SIL1: variants seen among roughly 807,000 people sequenced by gnomAD.
SIL1 encodes the protein nucleotide exchange factor SIL1.
Under a neutral mutation model 49.1 loss-of-function variants are expected in SIL1, and 40 were observed. That is an observed-to-expected ratio of 0.81 (90% CI 0.63 to 1.06). The LOEUF (loss-of-function observed/expected upper bound fraction) is 1.06, where lower values mean the gene tolerates loss of function less well. SIL1 is among the 50% of genes least tolerant of loss of function. SIL1 has a pLI of 0.00. For missense variants in SIL1, 500 were observed against 572.6 expected (o/e 0.87, Z 1.29); for synonymous variants, 253 against 250.8 (o/e 1.01, Z -0.08).
intron 1 of SIL1, among the ~76,000 whole-genome samples, chr5:139,172,650 C>CAA (rs1751798131): frequency 6.8e-6 from 1 of 146,670 alleles, no homozygotes; most frequent in Non-Finnish European, 1.5e-5. Flanking sequence ...AAAAAAAAGA[C>CAA]AGACAAAGAC....
intron 1 of SIL1, among the ~76,000 whole-genome samples, chr5:139,179,664 T>A (rs1393720776): frequency 6.6e-6 from 1 of 151,990 alleles, no homozygotes; most frequent in East Asian, 1.9e-4. Flanking sequence ...GGGCTATTAA[T>A]AAAAAACAAA....
At chr5:139,000,699 A>G (rs966271274) in intron 7 of SIL1, among the ~76,000 whole-genome samples, 1 of 152,176 alleles carries the variant, frequency 6.6e-6, no homozygotes, top group African/African-American at 2.4e-5. Flanking sequence ...CACACAGAGA[A>G]TAAACTTCAA....
intron 3 of SIL1, among the ~76,000 whole-genome samples, chr5:139,072,874 C>A (rs181517776): frequency 3.2e-4 from 49 of 152,100 alleles, no homozygotes; most frequent in African/African-American, 1.1e-3. Flanking sequence ...AAACAAATAA[C>A]CTGATTTTAA....
At chr5:139,010,577 T>C (rs916768174) in intron 7 of SIL1, among the ~76,000 whole-genome samples, 11 of 151,404 alleles carry the variant, frequency 7.3e-5, no homozygotes, top group East Asian at 1.9e-4. Flanking sequence ...TTCTGTTTTT[T>C]CCCCATCTTT....
chr5:139,184,953 TG>T (rs1752053051), intron 1 of SIL1, among the ~76,000 whole-genome samples: 1 of 152,170 alleles, frequency 6.6e-6, no homozygotes, highest in African/African-American at 2.4e-5. Context: ...AGACCACACA[TG>T]GGTCTGCTCA....
intron 7 of SIL1, among the ~76,000 whole-genome samples, chr5:138,984,508 G>A (rs932460763): frequency 6.6e-6 from 1 of 152,020 alleles, no homozygotes; most frequent in Non-Finnish European, 1.5e-5. Flanking sequence ...ACAGGCATGT[G>A]CCACCATGCC....
intron 2 of SIL1, 72 bp downstream of exon 2, chr5:139,127,667 C>A: frequency 8.0e-7 from 1 of 1,246,802 alleles, no homozygotes; most frequent in Non-Finnish European, 1.1e-6. Context: ...ACTCCCACAA[C>A]AGCCCTGGTG....
At chr5:139,077,420 T>G (rs1769976796) in intron 3 of SIL1, among the ~76,000 whole-genome samples, 1 of 152,238 alleles carries the variant, frequency 6.6e-6, no homozygotes, top group African/African-American at 2.4e-5. Flanking sequence ...AAGATTTTCT[T>G]GTTATTTTAC....
At chr5:139,104,146 C>T (rs1350055999) in intron 3 of SIL1, among the ~76,000 whole-genome samples, 1 of 152,250 alleles carries the variant, frequency 6.6e-6, no homozygotes, top group Non-Finnish European at 1.5e-5. Flanking sequence ...AGCCAAGCAG[C>T]TCAGGACCTT....
At chr5:139,188,771 A>AAG in intron 1 of SIL1, among the ~76,000 whole-genome samples, 1 of 152,248 alleles carries the variant, frequency 6.6e-6, no homozygotes, top group East Asian at 1.9e-4. Context: ...GATAAGGAGA[A>AAG]CATACTATCT....
At chr5:139,108,181 GA>G (rs1770762057) in intron 3 of SIL1, 1 of 152,080 alleles carries the variant, frequency 6.6e-6, no homozygotes, top group South Asian at 2.1e-4. Context: ...AGAACCAGAA[GA>G]TTTTTTTTCT....
intron 2 of SIL1, among the ~76,000 whole-genome samples, chr5:139,127,022 A>G (rs936728560): frequency 2.6e-5 from 4 of 152,212 alleles, no homozygotes; most frequent in Admixed American, 1.3e-4. Context: ...GGACAAGCCA[A>G]GTAAACAGGG....
intron 1 of SIL1, among the ~76,000 whole-genome samples, chr5:139,194,930 C>CTTT (rs35417485): frequency 7.1e-6 from 1 of 141,692 alleles, no homozygotes; most frequent in Non-Finnish European, 1.6e-5. Context: ...CTTTCAGAGC[C>CTTT]TTTTTTTTTT....
intron 1 of SIL1, among the ~76,000 whole-genome samples, chr5:139,150,947 T>C (rs915629935): frequency 1.3e-5 from 2 of 152,148 alleles, no homozygotes; most frequent in Non-Finnish European, 2.9e-5. Flanking sequence ...AGAGGCTTCA[T>C]CCCTACTCCC....
Position 139,078,635 on chromosome 5 carries a change from G to A in SIL1, c.245-27589C>T, listed in dbSNP as rs571142519. On this transcript the variant is annotated intron_variant, in intron 3 of 9. Transcript: ENST00000394817. ...CACAACCTGCATGTCAACTCTTCCC[G>A]ATCCCAGTGGATAAAAAACCACTAC... Among the ~76,000 whole-genome samples the A allele has an allele frequency of 2.9e-4, 44 of 152,322 alleles. No homozygotes were observed. In the South Asian group the frequency reaches 3.7e-3, roughly 13 times the overall value.
At position 139,176,927 on chromosome 5, in the gene SIL1, CT is replaced by C. The variant is rs70982757; in HGVS notation, c.-11+21341del. Among the ~76,000 whole-genome samples the C allele has an allele frequency of 0.017, 1,636 of 95,782 alleles. 60 individuals are homozygous for C. In the East Asian group the frequency reaches 0.26, roughly 15 times the overall value. The allele number at this position is 95,782 out of a possible 152,430, so 62.8% of individuals were successfully genotyped here. A position where few individuals can be genotyped will look rare whatever the true frequency, so the allele number is the denominator to read the frequency against. On this transcript the variant is annotated intron_variant, in intron 1 of 9. Coordinates refer to ENST00000394817, the MANE Select transcript of SIL1 (RefSeq NM_022464.5). ...GCTTCCAAGTGGAGAAGCTGAGATT[CT>C]TTTTTTTTTTTTTTTTTTTTTTGAG... is the stretch of plus-strand genomic sequence containing the variant.
At chr5:139,148,755 T>C (rs1751239637) in intron 1 of SIL1, among the ~76,000 whole-genome samples, 1 of 152,246 alleles carries the variant, frequency 6.6e-6, no homozygotes, top group South Asian at 2.1e-4. Context: ...CAGTTCTTTC[T>C]AGTTTCCTTA....
At chr5:139,105,881 G>C (rs1770696253) in intron 3 of SIL1, among the ~76,000 whole-genome samples, 1 of 152,354 alleles carries the variant, frequency 6.6e-6, no homozygotes, top group African/African-American at 2.4e-5. Flanking sequence ...GCCGGCACAA[G>C]GCAATTTCTC....
chr5:139,137,049 T>C (rs1309899279), intron 1 of SIL1, among the ~76,000 whole-genome samples: 1 of 152,252 alleles, frequency 6.6e-6, no homozygotes, highest in Non-Finnish European at 1.5e-5. Context: ...GAGGCTTTAG[T>C]CCTTCCACTT....
Sources: allele counts gnomAD v4.1 joint callset (sites outside exome capture counted in the v4.1 genomes callset), GRCh38; gene constraint gnomAD v4.1.1; transcripts MANE v1.5; gene names NCBI Gene and HGNC (gene_info 2026-07-23, HGNC 2026-07-21).